MBNL1: variants seen among roughly 807,000 people sequenced by gnomAD.
MBNL1 encodes muscleblind-like protein 1.
In MBNL1, 8 loss-of-function variants were observed where a neutral mutation model predicts 42.2. The ratio of observed to expected loss-of-function variants is 0.19; its 90% confidence interval spans 0.11 to 0.34. The LOEUF (loss-of-function observed/expected upper bound fraction) is 0.34, where lower values mean the gene tolerates loss of function less well. MBNL1 is among the 10% of genes least tolerant of loss of function. The pLI is 1.00. For missense variants in MBNL1, 309 were observed against 495.3 expected, an observed-to-expected ratio of 0.62 and a Z score of 3.57; for synonymous variants, 169 against 173.9, an observed-to-expected ratio of 0.97 and a Z score of 0.22.
chr3:152,333,573 C>G (rs1462905328), intron 2 of MBNL1, among the ~76,000 whole-genome samples: 2 of 152,178 alleles, frequency 1.3e-5, no homozygotes. Flanking sequence ...TTCATCTTTG[C>G]TACTTATTAG....
At chr3:152,458,434 G>T in intron 8 of MBNL1, 1 of 498,822 alleles carries the variant, frequency 2.0e-6, no homozygotes, top group Non-Finnish European at 3.7e-6. Context: ...AATGGGATTA[G>T]TATCATTTTA....
intron 1 of MBNL1, among the ~76,000 whole-genome samples, chr3:152,290,872 T>C (rs1327813512): frequency 6.6e-6 from 1 of 152,294 alleles, no homozygotes; most frequent in South Asian, 2.1e-4. Context: ...GTTGTGTTAG[T>C]TCTACATTGA....
In MBNL1 at chr3:152,432,936, T is replaced by C; in HGVS notation, c.549+16T>C. ...CAGACTTGAGGTAGGAATGACTAGT[T>C]GGTGTCTTTATATACTACATTCTAA... On this transcript the variant is annotated intron_variant, in intron 4 of 9. Coordinates refer to ENST00000324210, the MANE Select transcript of MBNL1 (RefSeq NM_021038.5). The C allele has an allele frequency of 1.2e-6, 2 of 1,604,500 alleles. No homozygotes were observed. Among genetic ancestry groups the C allele is most frequent in the Non-Finnish European group, 1.7e-6 (2 of 1,171,678 alleles).
intron 2 of MBNL1, among the ~76,000 whole-genome samples, chr3:152,404,322 C>T (rs1202466695): frequency 6.6e-6 from 1 of 152,118 alleles, no homozygotes; most frequent in African/African-American, 2.4e-5. Flanking sequence ...GCTGTCCCAT[C>T]TAGAAGGCTG....
Position 152,317,092 on chromosome 3 carries a change from C to CA in MBNL1, c.174+16733dup, listed in dbSNP as rs551091987. Among the ~76,000 whole-genome samples the CA allele has an allele frequency of 2.2e-4, 34 of 151,364 alleles. No individual in the cohort carries two copies. The South Asian group carries it at 6.7e-3, about 30-fold the overall frequency. ...TGATTTTTGGTCCCTAAAAAGCAAA[C>CA]AAAAAAAAGCTACTTGATGGTACCT... On this transcript the variant is annotated intron_variant, in intron 2 of 9. Transcript: ENST00000324210.
intron 5 of MBNL1, chr3:152,446,615 C>T: frequency 1.1e-6 from 1 of 930,374 alleles, no homozygotes; most frequent in Non-Finnish European, 1.7e-6. Flanking sequence ...ACTGCTGCCC[C>T]CATGATGCAC....
chr3:152,447,714 A>G lies in MBNL1; in HGVS notation c.902A>G (p.Gln301Arg). Residue 301 changes from glutamine to arginine, a missense_variant, in exon 6 of 10, where the codon CAA becomes CGA. Gln to Arg is a conservative substitution (Grantham distance 43). Coordinates refer to ENST00000324210, the MANE Select transcript of MBNL1 (RefSeq NM_021038.5). ...GCAGTCTTTAACACTGGTATTTTCC[A>G]ATACCAACAGGCTCTAGCCAACATG... ...ATAVFNTGIF[Q>R]YQQALANMQL... 1 of 1,613,994 alleles carries G rather than the reference A, an allele frequency of 6.2e-7. No homozygotes were observed. Among genetic ancestry groups the G allele is most frequent in the Non-Finnish European group, 8.5e-7 (1 of 1,179,882 alleles).
intron 6 of MBNL1, among the ~76,000 whole-genome samples, chr3:152,449,805 C>G (rs1718316614): frequency 1.3e-5 from 2 of 152,036 alleles, no homozygotes; most frequent in East Asian, 3.9e-4. Context: ...TATTCTTGAT[C>G]AATATTTCTC....
At chr3:152,247,064 A>G (rs2033226063) in intron 2 of MBNL1, among the ~76,000 whole-genome samples, 2 of 152,126 alleles carry the variant, frequency 1.3e-5, no homozygotes, top group Non-Finnish European at 2.9e-5. Flanking sequence ...TGAAAGATTT[A>G]GTTTTTGTTT....
At chr3:152,383,816 G>A (rs950701883) in intron 2 of MBNL1, among the ~76,000 whole-genome samples, 5 of 151,750 alleles carry the variant, frequency 3.3e-5, no homozygotes, top group African/African-American at 1.2e-4. Context: ...ATGTGGAAGG[G>A]TACGTCTTTA....
chr3:152,392,459 G>A (rs189909825), intron 2 of MBNL1, among the ~76,000 whole-genome samples: 3 of 152,112 alleles, frequency 2.0e-5, no homozygotes, highest in Non-Finnish European at 2.9e-5. Flanking sequence ...AAAATGAATG[G>A]AATGCTTTTG....
chr3:152,341,034 G>T, intron 2 of MBNL1: 1 of 1,126,304 alleles, frequency 8.9e-7, no homozygotes, highest in Non-Finnish European at 1.2e-6. Context: ...ATGAAAAGAT[G>T]TTTAACAAAG....
chr3:152,433,148 C>T (rs1320699559), intron 4 of MBNL1, among the ~76,000 whole-genome samples: 2 of 152,066 alleles, frequency 1.3e-5, no homozygotes, highest in African/African-American at 2.4e-5. Context: ...AGAGGTTGGA[C>T]GCTAAAGTCA....
At chr3:152,254,565 T>C (rs947093349) in intron 2 of MBNL1, among the ~76,000 whole-genome samples, 1 of 152,148 alleles carries the variant, frequency 6.6e-6, no homozygotes, top group Non-Finnish European at 1.5e-5. Flanking sequence ...TTTTTTGTAA[T>C]TACTTCCTTG....
intron 1 of MBNL1, among the ~76,000 whole-genome samples, chr3:152,296,502 G>A (rs967594667): frequency 8.5e-5 from 13 of 152,132 alleles, no homozygotes; most frequent in Admixed American, 7.2e-4. Context: ...TATTCGTGAC[G>A]CATAATATTA....
At chr3:152,451,828 T>C (rs188541959) in intron 6 of MBNL1, among the ~76,000 whole-genome samples, 1 of 152,340 alleles carries the variant, frequency 6.6e-6, no homozygotes, top group African/African-American at 2.4e-5. Context: ...TCATTTTTTT[T>C]CACAACGCCC....
Position 152,299,860 on chromosome 3 carries a change from T to A in MBNL1, c.-334T>A. ...ACGTTTTCATGCTTGCATTTTGGGC[T>A]CCAAATTGGCACTGGGAAGGGGTTA... On this transcript the variant is annotated 5_prime_UTR_variant, in exon 2 of 10. Transcript: ENST00000324210. 1 of 402,726 alleles carries A rather than the reference T, an allele frequency of 2.5e-6. No individual in the cohort carries two copies. The highest frequency in any genetic ancestry group is 4.4e-6 in the Non-Finnish European group (1 of 228,742). 24.9% of individuals were successfully genotyped at this position (402,726 alleles called of 1,614,324 possible).
chr3:152,326,814 TTTA>T (rs2080568719), intron 2 of MBNL1, among the ~76,000 whole-genome samples: 3 of 150,510 alleles, frequency 2.0e-5, no homozygotes, highest in African/African-American at 7.3e-5. Context: ...TATTTATTTA[TTTA>T]TTGAGACAGA....
intron 2 of MBNL1, among the ~76,000 whole-genome samples, chr3:152,399,166 G>T (rs1303622241): frequency 6.6e-6 from 1 of 152,076 alleles, no homozygotes; most frequent in Non-Finnish European, 1.5e-5. Flanking sequence ...CACATGAGAG[G>T]TCTCACCATA....
Sources: allele counts gnomAD v4.1 joint callset (sites outside exome capture counted in the v4.1 genomes callset), GRCh38; gene constraint gnomAD v4.1.1; transcripts MANE v1.5; gene names NCBI Gene and HGNC (gene_info 2026-07-23, HGNC 2026-07-21).